The following KCTD1 variants were observed in gnomAD, a reference collection of about 807,000 sequenced individuals.
KCTD1 encodes the protein potassium channel tetramerization domain containing 1, also known as BTB/POZ domain-containing protein KCTD1.
Under a neutral mutation model 66.0 loss-of-function variants are expected in KCTD1, and 24 were observed. The observed-to-expected ratio is 0.36, with a 90% CI of 0.26 to 0.51. The LOEUF (loss-of-function observed/expected upper bound fraction) is 0.51, where lower values mean the gene tolerates loss of function less well. Ranked by LOEUF, KCTD1 falls within the 20% of genes least tolerant of loss-of-function variation. KCTD1 has a pLI of 0.95. For missense variants in KCTD1, 943 were observed against 1,205.2 expected (o/e 0.78, Z 3.22); for synonymous variants, 511 against 517.2 (o/e 0.99, Z 0.16).
Position 26,482,071 on chromosome 18 carries a change from A to T in KCTD1, c.1989-5412T>A, listed in dbSNP as rs144989227. On this transcript the variant is annotated intron_variant, in intron 2 of 4. Coordinates refer to ENST00000580059, the MANE Select transcript of KCTD1 (RefSeq NM_001142730.3). ...TGGAGACACCGAGTCACAAATATGT[A>T]ACACTCAAGGATGCATGGCTGGGTA... Among the ~76,000 whole-genome samples the T allele has an allele frequency of 3.8e-3, 582 of 152,306 alleles. 3 individuals are homozygous for T. Among genetic ancestry groups the T allele is most frequent in the Middle Eastern group, 0.01 (3 of 294 alleles).
intron 3 of KCTD1, among the ~76,000 whole-genome samples, chr18:26,462,633 T>C (rs760905475): frequency 6.6e-6 from 1 of 152,228 alleles, no homozygotes; most frequent in Non-Finnish European, 1.5e-5. Flanking sequence ...TGGCCATTCA[T>C]TTTCTTGGCA....
rs542800325 is a variant in KCTD1 at position 26,649,508 on chromosome 18, T to G, written c.9+7852A>C. On this transcript the variant is annotated intron_variant, in intron 1 of 4. Transcript: ENST00000580191. ...TGAAGGAGCAAAGACAGCTTTTTTG[T>G]TTTTTTGTGTGTTTTTTTGAGACAG... Among the ~76,000 whole-genome samples, 273 of 152,150 alleles carry G rather than the reference T, an allele frequency of 1.8e-3. 1 individual carries two copies. The highest frequency in any genetic ancestry group is 6.1e-3 in the African/African-American group (255 of 41,540).
chr18:26,621,610 AG>A (rs1437653341), intron 1 of KCTD1, among the ~76,000 whole-genome samples: 1 of 152,184 alleles, frequency 6.6e-6, no homozygotes, highest in Non-Finnish European at 1.5e-5. Flanking sequence ...ATGCACTAAT[AG>A]GAAACTTGCA....
chr18:26,534,404 T>C (rs1294897816), intron 1 of KCTD1, among the ~76,000 whole-genome samples: 1 of 152,162 alleles, frequency 6.6e-6, no homozygotes, highest in Non-Finnish European at 1.5e-5. Flanking sequence ...ATCATTATTT[T>C]ATCCTTGCCA....
At chr18:26,618,094 G>T (rs1987297209) in intron 1 of KCTD1, among the ~76,000 whole-genome samples, 2 of 146,956 alleles carry the variant, frequency 1.4e-5, no homozygotes, top group Non-Finnish European at 1.5e-5. Flanking sequence ...GAAGACCTAG[G>T]TTTAAAAAAA....
intron 2 of KCTD1, among the ~76,000 whole-genome samples, chr18:26,477,719 C>T (rs924694307): frequency 1.3e-5 from 2 of 152,146 alleles, no homozygotes; most frequent in African/African-American, 4.8e-5. Flanking sequence ...ACTTCCCTCT[C>T]TCCCCCAGAA....
chr18:26,636,351 A>G (rs1197157818), intron 1 of KCTD1, among the ~76,000 whole-genome samples: 3 of 152,148 alleles, frequency 2.0e-5, no homozygotes, highest in Non-Finnish European at 4.4e-5. Context: ...TCCCTTAGGA[A>G]CATCACAGCT....
At chr18:26,638,746 C>A (rs1327443450) in intron 1 of KCTD1, among the ~76,000 whole-genome samples, 1 of 152,210 alleles carries the variant, frequency 6.6e-6, no homozygotes, top group Non-Finnish European at 1.5e-5. Context: ...AGACCTCACC[C>A]CTTTTGATTC....
chr18:26,639,744 G>T (rs1301482990), intron 1 of KCTD1, among the ~76,000 whole-genome samples: 1 of 152,154 alleles, frequency 6.6e-6, no homozygotes, highest in Non-Finnish European at 1.5e-5. Context: ...TAGGTCAAAT[G>T]CTGATCCACG....
chr18:26,602,719 C>T (rs941038616), intron 1 of KCTD1, among the ~76,000 whole-genome samples: 12 of 152,174 alleles, frequency 7.9e-5, no homozygotes, highest in Admixed American at 3.9e-4. Flanking sequence ...GAGATCTGTT[C>T]TTCCTCCTGG....
chr18:26,568,636 C>T (rs1030625309), intron 1 of KCTD1, among the ~76,000 whole-genome samples: 1 of 152,158 alleles, frequency 6.6e-6, no homozygotes, highest in African/African-American at 2.4e-5. Context: ...CATCTAAAAC[C>T]GTTACACTGT....
chr18:26,586,751 A>C (rs1363156635), intron 1 of KCTD1, among the ~76,000 whole-genome samples: 2 of 152,018 alleles, frequency 1.3e-5, no homozygotes, highest in African/African-American at 4.8e-5. Flanking sequence ...CGGATGGAAG[A>C]TCAAACCAGC....
chr18:26,502,062 T>C (rs1434009740), intron 1 of KCTD1, among the ~76,000 whole-genome samples: 1 of 152,214 alleles, frequency 6.6e-6, no homozygotes, highest in Non-Finnish European at 1.5e-5. Flanking sequence ...TTTTTTTTCT[T>C]TTTTTGAGAT....
At chr18:26,521,996 T>G (rs1198933702) in intron 1 of KCTD1, among the ~76,000 whole-genome samples, 1 of 152,134 alleles carries the variant, frequency 6.6e-6, no homozygotes, top group Non-Finnish European at 1.5e-5. Flanking sequence ...AAAAAAAAAG[T>G]AGTTCTAAGG....
chr18:26,651,647 G>A (rs1239466223), intron 1 of KCTD1, among the ~76,000 whole-genome samples: 1 of 151,950 alleles, frequency 6.6e-6, no homozygotes, highest in Non-Finnish European at 1.5e-5. Flanking sequence ...AGCCGATCAT[G>A]GTGGCGGGCA....
chr18:26,500,778 T>C (rs1421444646), intron 2 of KCTD1, among the ~76,000 whole-genome samples: 1 of 152,202 alleles, frequency 6.6e-6, no homozygotes, highest in Non-Finnish European at 1.5e-5. Context: ...GAAATCACCA[T>C]CTTTTTTTGT....
chr18:26,500,413 C>G (rs1312038991), intron 2 of KCTD1, among the ~76,000 whole-genome samples: 1 of 152,028 alleles, frequency 6.6e-6, no homozygotes, highest in African/African-American at 2.4e-5. Context: ...GAACAAGACC[C>G]TGGCTCCAAA....
chr18:26,617,866 AGGG>A (rs1987289884), intron 1 of KCTD1, among the ~76,000 whole-genome samples: 1 of 39,116 alleles, frequency 2.6e-5, no homozygotes, highest in Non-Finnish European at 4.3e-5. Flanking sequence ...GGAGGGAGGG[AGGG>A]AGGGAGGGAG....
At position 26,548,084 on chromosome 18, in the gene KCTD1, G is replaced by C; in HGVS notation, c.453C>G (p.Asp151Glu). 1 of 1,351,986 alleles carries C rather than the reference G, an allele frequency of 7.4e-7. No individual in the cohort carries two copies. Among genetic ancestry groups the C allele is most frequent in the Non-Finnish European group, 9.4e-7 (1 of 1,061,804 alleles). The allele number at this position is 1,351,986 out of a possible 1,614,324, so 83.7% of individuals were successfully genotyped here. A position where few individuals can be genotyped will look rare whatever the true frequency, so the allele number is the denominator to read the frequency against. The change falls in exon 1 of 5, where the codon GAC (aspartate) becomes GAG (glutamate). Residue 151 changes from aspartate to glutamate, a missense_variant. Asp to Glu is a conservative substitution (Grantham distance 45). This residue lies in a region of KCTD1 where 96 missense variants were observed against 132.5 expected (regional missense o/e 0.72). Coordinates refer to ENST00000580059, the MANE Select transcript of KCTD1 (RefSeq NM_001142730.3). ...APRARGGPPG[D>E]GSELDPDVLQ... ...GCACGTCGGGGTCCAGCTCGGAGCC[G>C]TCCCCGGGCGGCCCACCGCGGGCCC...
Sources: allele counts gnomAD v4.1 joint callset (sites outside exome capture counted in the v4.1 genomes callset), GRCh38; gene constraint gnomAD v4.1.1; regional missense constraint gnomAD v4.1.1; transcripts MANE v1.5; gene names NCBI Gene and HGNC (gene_info 2026-07-23, HGNC 2026-07-21).